MICU1: variants seen among roughly 807,000 people sequenced by gnomAD.
MICU1 encodes calcium uptake protein 1, mitochondrial.
Under a neutral mutation model 56.8 loss-of-function variants are expected in MICU1, and 45 were observed. The observed-to-expected ratio is 0.79, with a 90% CI of 0.62 to 1.02. The LOEUF (loss-of-function observed/expected upper bound fraction) is 1.02. Ranked by LOEUF, MICU1 falls within the 50% of genes least tolerant of loss-of-function variation. The pLI, the probability that MICU1 is intolerant of heterozygous loss-of-function variation, is 0.00. For synonymous variants in MICU1, 186 were observed against 195.1 expected (o/e 0.95, Z 0.39); for missense variants, 504 against 587.1 (o/e 0.86, Z 1.46).
chr10:72,496,317 T>C (rs1029327216), intron 6 of MICU1, among the ~76,000 whole-genome samples: 31 of 146,850 alleles, frequency 2.1e-4, no homozygotes, highest in East Asian at 7.8e-4. Context: ...TTTTTTTTTT[T>C]CCGAGACAGA....
intron 10 of MICU1, among the ~76,000 whole-genome samples, chr10:72,390,358 G>A (rs1863028804): frequency 1.3e-5 from 2 of 152,024 alleles, no homozygotes; most frequent in South Asian, 4.1e-4. Flanking sequence ...AATCAAATTT[G>A]GAAACTATAT....
At chr10:72,511,165 G>T in intron 5 of MICU1, among the ~76,000 whole-genome samples, 1 of 152,104 alleles carries the variant, frequency 6.6e-6, no homozygotes, top group Admixed American at 6.6e-5. Context: ...ACAGTACGTA[G>T]GCCTTTTAGG....
chr10:72,378,379 A>AT (rs1201703288), intron 10 of MICU1, among the ~76,000 whole-genome samples: 3 of 152,158 alleles, frequency 2.0e-5, no homozygotes. Flanking sequence ...TGCTGTTCTC[A>AT]TGATAGTAAG....
At position 72,403,629 on chromosome 10, in the gene MICU1, TTGTGTG is replaced by T. The variant is rs60373032; in HGVS notation, c.1180+4294_1180+4299del. ...ATGTAAAAAATATTACATACCAAAATTGTGTGTGTGTGTGTGTGTGTGTGTGTGTGT... is the reference window on the plus strand; with the variant it reads ...ATGTAAAAAATATTACATACCAAAATTGTGTGTGTGTGTGTGTGTGTGTGT... On this transcript the variant is annotated intron_variant, in intron 10 of 11. Coordinates refer to ENST00000361114, the MANE Select transcript of MICU1 (RefSeq NM_001195518.2). Among the ~76,000 whole-genome samples the T allele has an allele frequency of 4.0e-3, 562 of 139,930 alleles. 3 individuals carry two copies. Among genetic ancestry groups the T allele is most frequent in the African/African-American group, 0.013 (478 of 37,942 alleles). The allele number at this position is 139,930 out of a possible 152,430, so 91.8% of individuals were successfully genotyped here. A position where few individuals can be genotyped will look rare whatever the true frequency, so the allele number is the denominator to read the frequency against.
At chr10:72,432,087 CTTTTT>C (rs35109632) in intron 8 of MICU1, among the ~76,000 whole-genome samples, 2 of 120,524 alleles carry the variant, frequency 1.7e-5, no homozygotes, top group South Asian at 2.7e-4. Flanking sequence ...AATGTATTGC[CTTTTT>C]TTTTTTTTTT....
At chr10:72,518,346 T>A (rs940552532) in intron 5 of MICU1, among the ~76,000 whole-genome samples, 18 of 152,074 alleles carry the variant, frequency 1.2e-4, no homozygotes, top group African/African-American at 9.7e-5. Context: ...TTTTCTTTTT[T>A]AAAAAAATTT....
rs1461380325 is a variant in MICU1, at chr10:72,487,967, C to G, written c.653-10711G>C. Among the ~76,000 whole-genome samples the G allele has an allele frequency of 2.6e-5, 4 of 152,238 alleles. No individual in the cohort carries two copies. The East Asian group carries it at 7.7e-4, about 29-fold the overall frequency. On this transcript the variant is annotated intron_variant, in intron 6 of 11. Transcript: ENST00000361114. ...ATCCTAGCACTTTGGGAGGCCAAGGCAGGTGGATCACATGAGGTCAGGAGT... is the reference window on the plus strand; with the variant it reads ...ATCCTAGCACTTTGGGAGGCCAAGGGAGGTGGATCACATGAGGTCAGGAGT...
chr10:72,432,823 A>G (rs1392533095), intron 8 of MICU1, among the ~76,000 whole-genome samples: 1 of 152,172 alleles, frequency 6.6e-6, no homozygotes, highest in Admixed American at 6.5e-5. Context: ...TCAACATGAG[A>G]TTTGTAGGGG....
chr10:72,474,170 C>G (rs368470245), intron 8 of MICU1, among the ~76,000 whole-genome samples: 1 of 138,714 alleles, frequency 7.2e-6, no homozygotes, highest in African/African-American at 2.7e-5. Context: ...GCAGGAGAAT[C>G]GCTTGAACCT....
intron 1 of MICU1, among the ~76,000 whole-genome samples, chr10:72,568,353 A>T (rs1589350115): frequency 6.6e-6 from 1 of 152,178 alleles, no homozygotes; most frequent in Non-Finnish European, 1.5e-5. Flanking sequence ...CCCCTTCTGC[A>T]TATGAATGCC....
At chr10:72,453,673 G>A (rs1463061083) in intron 8 of MICU1, among the ~76,000 whole-genome samples, 1 of 150,266 alleles carries the variant, frequency 6.7e-6, no homozygotes, top group African/African-American at 2.5e-5. Flanking sequence ...GGGATTACAG[G>A]CTTGCACCAC....
At chr10:72,441,376 C>A (rs1261269257) in intron 8 of MICU1, among the ~76,000 whole-genome samples, 1 of 143,156 alleles carries the variant, frequency 7.0e-6, no homozygotes, top group Non-Finnish European at 1.5e-5. Context: ...TTGAACAGGG[C>A]AGGGAACATC....
rs2132410753 is a variant in MICU1, at chr10:72,533,809, A to G, written c.494-20T>C. The stretch of plus-strand genomic sequence containing the variant: ...CCAAGTCTGTAAAAGAAAAGGAAAA[A>G]ACATTTAGCTACTGATAATAACTCA... On this transcript the variant is annotated intron_variant, in intron 4 of 11. Coordinates refer to ENST00000361114, the MANE Select transcript of MICU1 (RefSeq NM_001195518.2). 10 of 1,540,310 alleles carry G rather than the reference A, an allele frequency of 6.5e-6. No homozygotes were observed. In the African/African-American group the frequency reaches 9.6e-5, roughly 15 times the overall value.
intron 1 of MICU1, among the ~76,000 whole-genome samples, chr10:72,582,250 A>C (rs1448979400): frequency 2.0e-5 from 3 of 152,180 alleles, no homozygotes; most frequent in Non-Finnish European, 2.9e-5. Flanking sequence ...TTAATGAGAC[A>C]GTATCCTATA....
chr10:72,611,164 G>A (rs1286064202), intron 1 of MICU1, among the ~76,000 whole-genome samples: 2 of 151,234 alleles, frequency 1.3e-5, no homozygotes, highest in African/African-American at 2.4e-5. Context: ...TTAGCCGGGC[G>A]CTGTAGCGGG....
At chr10:72,390,931 G>A (rs1863047637) in intron 10 of MICU1, among the ~76,000 whole-genome samples, 2 of 152,222 alleles carry the variant, frequency 1.3e-5, no homozygotes, top group South Asian at 4.1e-4. Context: ...GCTTTTGGGT[G>A]AATAAATACT....
At chr10:72,494,145 G>A (rs1323517813) in intron 6 of MICU1, among the ~76,000 whole-genome samples, 2 of 152,162 alleles carry the variant, frequency 1.3e-5, no homozygotes, top group Admixed American at 6.5e-5. Context: ...TTTGGGGAAT[G>A]TGCACAACTC....
intron 6 of MICU1, among the ~76,000 whole-genome samples, chr10:72,489,703 T>C (rs1290332460): frequency 6.6e-6 from 1 of 152,194 alleles, no homozygotes; most frequent in Non-Finnish European, 1.5e-5. Flanking sequence ...CATTTTTCAT[T>C]TGGTCTCCAC....
At chr10:72,375,737 G>A (rs773934886) in intron 11 of MICU1, 46 bp downstream of exon 11, 1 of 1,564,460 alleles carries the variant, frequency 6.4e-7, no homozygotes, top group South Asian at 1.2e-5. Context: ...GGCCTCTAAG[G>A]GCAGCTAGGC....
Sources: allele counts gnomAD v4.1 joint callset (sites outside exome capture counted in the v4.1 genomes callset), GRCh38; gene constraint gnomAD v4.1.1; transcripts MANE v1.5; gene names NCBI Gene and HGNC (gene_info 2026-07-23, HGNC 2026-07-21).